KLF15: variants seen among roughly 807,000 people sequenced by gnomAD.
KLF15 encodes the protein KLF transcription factor 15, also known as Krueppel-like factor 15.
KLF15 carries 4 observed loss-of-function variants against 24.6 expected under a neutral mutation model. That is an observed-to-expected ratio of 0.16 (90% CI 0.08 to 0.37). The LOEUF is 0.37. KLF15 is among the 10% of genes least tolerant of loss of function. KLF15 has a pLI of 1.00. For synonymous variants in KLF15, 246 were observed against 236.3 expected, an observed-to-expected ratio of 1.04 and a Z score of -0.37; for missense variants, 496 against 560.6, an observed-to-expected ratio of 0.88 and a Z score of 1.16.
the KLF15 span, among the ~76,000 whole-genome samples, chr3:126,306,449 G>A: frequency 1.3e-5 from 2 of 152,296 alleles, no homozygotes; most frequent in African/African-American, 4.8e-5. Context: ...GATGTTGGCT[G>A]GTTGAACCTC....
chr3:126,351,206 C>T (rs1381130634), intron 2 of KLF15, among the ~76,000 whole-genome samples: 1 of 152,170 alleles, frequency 6.6e-6, no homozygotes, highest in East Asian at 1.9e-4. Context: ...GCCTAGCCTC[C>T]CTCTGGGTTG....
chr3:126,304,916 A>G, the KLF15 span, among the ~76,000 whole-genome samples: 1 of 152,262 alleles, frequency 6.6e-6, no homozygotes, highest in Non-Finnish European at 1.5e-5. Context: ...ATTCCTTAAC[A>G]TATCAAATGT....
At chr3:126,328,698 G>C in the KLF15 span, among the ~76,000 whole-genome samples, 1 of 152,158 alleles carries the variant, frequency 6.6e-6, no homozygotes, top group South Asian at 2.1e-4. Context: ...ACAGTAATGA[G>C]AGTAACTCTT....
At chr3:126,333,630 C>T in the KLF15 span, among the ~76,000 whole-genome samples, 4 of 148,290 alleles carry the variant, frequency 2.7e-5, no homozygotes, top group African/African-American at 7.6e-5. Context: ...GACTGGCAAA[C>T]TGGATAAAGA....
chr3:126,350,568 C>A (rs1369219673), intron 2 of KLF15, among the ~76,000 whole-genome samples: 1 of 152,260 alleles, frequency 6.6e-6, no homozygotes, highest in East Asian at 1.9e-4. Flanking sequence ...AGAACCTCTG[C>A]CCCAGACAAC....
intron 1 of KLF15, among the ~76,000 whole-genome samples, chr3:126,355,136 G>A (rs957799107): frequency 6.6e-5 from 10 of 151,992 alleles, no homozygotes; most frequent in African/African-American, 1.9e-4. Flanking sequence ...CCCCTGAAAC[G>A]TGATCACTAA....
the KLF15 span, among the ~76,000 whole-genome samples, chr3:126,307,969 C>T: frequency 2.3e-4 from 35 of 152,246 alleles, no homozygotes; most frequent in African/African-American, 7.5e-4. Context: ...GCCCGCAGCC[C>T]GGTGCTAAGC....
At chr3:126,288,687 G>T in the KLF15 span, among the ~76,000 whole-genome samples, 2 of 152,240 alleles carry the variant, frequency 1.3e-5, no homozygotes, top group Non-Finnish European at 2.9e-5. Flanking sequence ...TCACTTCGGG[G>T]CTCATTGTCC....
chr3:126,328,181 T>G, the KLF15 span, among the ~76,000 whole-genome samples: 1 of 152,030 alleles, frequency 6.6e-6, no homozygotes, highest in Admixed American at 6.6e-5. Context: ...ACATATGATG[T>G]TTGGTTTTCC....
chr3:126,309,313 G>A, the KLF15 span, among the ~76,000 whole-genome samples: 1 of 152,214 alleles, frequency 6.6e-6, no homozygotes, highest in African/African-American at 2.4e-5. Flanking sequence ...ACTTCTCCAG[G>A]TCAGCGCTGC....
the KLF15 span, among the ~76,000 whole-genome samples, chr3:126,317,044 C>G: frequency 6.6e-6 from 1 of 152,154 alleles, no homozygotes; most frequent in Non-Finnish European, 1.5e-5. Context: ...TGTGAATCCT[C>G]TGGGTTCCAT....
the KLF15 span, among the ~76,000 whole-genome samples, chr3:126,299,923 C>T: frequency 4.6e-5 from 7 of 152,014 alleles, no homozygotes; most frequent in African/African-American, 7.3e-5. Context: ...GACTGAGAGA[C>T]GATAGAAGTC....
the KLF15 span, among the ~76,000 whole-genome samples, chr3:126,308,950 C>A: frequency 5.3e-5 from 8 of 152,018 alleles, no homozygotes; most frequent in Admixed American, 2.6e-4. Flanking sequence ...GATCGCTGGC[C>A]CAGGGTGAGG....
At chr3:126,320,671 C>G in the KLF15 span, among the ~76,000 whole-genome samples, 1 of 152,180 alleles carries the variant, frequency 6.6e-6, no homozygotes, top group East Asian at 1.9e-4. Flanking sequence ...AAGATGTCCC[C>G]TGGTGTCCCC....
chr3:126,350,063 G>A (rs1455452079), intron 2 of KLF15, among the ~76,000 whole-genome samples: 4 of 152,194 alleles, frequency 2.6e-5, no homozygotes, highest in Non-Finnish European at 5.9e-5. Context: ...TTTGGAGGGG[G>A]ACCACCCCAA....
chr3:126,313,028 C>A, the KLF15 span, among the ~76,000 whole-genome samples: 1 of 152,170 alleles, frequency 6.6e-6, no homozygotes, highest in Non-Finnish European at 1.5e-5. Context: ...TAAGTCCTAA[C>A]CCCCAGAACC....
At chr3:126,316,999 T>C in the KLF15 span, among the ~76,000 whole-genome samples, 1 of 152,128 alleles carries the variant, frequency 6.6e-6, no homozygotes, top group Admixed American at 6.5e-5. Flanking sequence ...AATGGAGGTA[T>C]ATTTTACCAG....
In KLF15 at chr3:126,352,724, C is replaced by T. The variant is rs752553812; in HGVS notation, c.199G>A (p.Gly67Ser). 3 of 1,576,258 alleles carry T rather than the reference C, an allele frequency of 1.9e-6. No homozygotes were observed. Among genetic ancestry groups the T allele is most frequent in the South Asian group, 1.1e-5 (1 of 86,970 alleles). ...SQALCSCYGG[G>S]LGTESQDSIL... ...CTGTCCTGGCTCTCGGTGCCCAGGC[C>T]TCCACCATAGCAGGAGCAGAGGGCT... Residue 67 changes from glycine (G) to serine (S), a missense_variant, in exon 2 of 3, where the codon GGC becomes AGC. Around this residue, in one of 3 missense-constraint regions of KLF15, gnomAD observed 399 missense variants for 423.1 expected, o/e 0.94. Transcript: ENST00000296233.
the KLF15 span, among the ~76,000 whole-genome samples, chr3:126,310,136 T>TG: frequency 2.0e-5 from 3 of 152,232 alleles, no homozygotes; most frequent in African/African-American, 7.2e-5. Context: ...GGCCTGTTTA[T>TG]GGGGGCACAG....
Sources: gnomAD v4.1 joint callset for allele counts (sites outside exome capture counted in the v4.1 genomes callset) on GRCh38, gnomAD v4.1.1 for gene constraint, gnomAD v4.1.1 regional missense constraint, MANE v1.5 for transcripts, NCBI Gene and HGNC (gene_info 2026-07-23, HGNC 2026-07-21) for gene names.